SERPINI1: variants seen among roughly 807,000 people sequenced by gnomAD.
SERPINI1 encodes the protein neuroserpin.
Under a neutral mutation model 41.1 loss-of-function variants are expected in SERPINI1, and 19 were observed. The observed-to-expected ratio is 0.46, with a 90% CI of 0.32 to 0.68. SERPINI1 has a LOEUF of 0.68. SERPINI1 is among the 30% of genes least tolerant of loss of function. The probability of loss-of-function intolerance (pLI) is 0.03; values close to 1 mark genes in which losing one functional copy is unlikely to be tolerated. For synonymous variants in SERPINI1, 138 were observed against 156.6 expected, an observed-to-expected ratio of 0.88 and a Z score of 0.89; for missense variants, 460 against 479.2, an observed-to-expected ratio of 0.96 and a Z score of 0.37.
chr3:167,775,937 C>T lies in SERPINI1; in HGVS notation c.-18-13174C>T, dbSNP rs577443476. 7.9e-5 allele frequency among the ~76,000 whole-genome samples: 12 copies of T among 152,046 alleles called. No individual in the cohort carries two copies. The South Asian group carries it at 1.0e-3, about 13-fold the overall frequency. On this transcript the variant is annotated intron_variant, in intron 1 of 8. Transcript: ENST00000446050. ...TTTCTCCACTGCACTCCAGCCTGGGCGACAGAGTGAGACCCCGTCCCAAAA... is the reference window on the plus strand; with the variant it reads ...TTTCTCCACTGCACTCCAGCCTGGGTGACAGAGTGAGACCCCGTCCCAAAA...
chr3:167,757,508 T>TCACACA (rs10663160), intron 1 of SERPINI1, among the ~76,000 whole-genome samples: 194 of 151,214 alleles, frequency 1.3e-3, no homozygotes, highest in African/African-American at 4.4e-3. Flanking sequence ...TCTCTCTCTC[T>TCACACA]CTCACACACA....
At position 167,792,694 on chromosome 3, in the gene SERPINI1, C is replaced by T. The variant is rs1443427135; in HGVS notation, c.586C>T (p.Pro196Ser). 6.2e-7 allele frequency: 1 copy of T among 1,613,688 alleles called. No individual in the cohort carries two copies. The highest frequency in any genetic ancestry group is 1.7e-5 in the Admixed American group (1 of 59,928). ...GGGGAACTGGAAGTCGCAGTTTAGG[C>T]CTGAAAATACTAGAACCTTTTCTTT... ...FKGNWKSQFR[P>S]ENTRTFSFTK... The change falls in exon 4 of 9, where the codon CCT becomes TCT. Residue 196 changes from proline to serine, a missense_variant. Coordinates refer to ENST00000446050, the MANE Select transcript of SERPINI1 (RefSeq NM_001122752.2).
chr3:167,797,233 T>C (rs929316722), intron 5 of SERPINI1, among the ~76,000 whole-genome samples: 15 of 152,138 alleles, frequency 9.9e-5, no homozygotes, highest in African/African-American at 3.6e-4. Flanking sequence ...TTCTTATAGA[T>C]TCTGGATATT....
chr3:167,759,972 T>G (rs1325613349), intron 1 of SERPINI1, among the ~76,000 whole-genome samples: 3 of 152,212 alleles, frequency 2.0e-5, no homozygotes, highest in Non-Finnish European at 4.4e-5. Flanking sequence ...CATATATGTA[T>G]GTACGTATGT....
chr3:167,739,881 C>A (rs770810351), intron 1 of SERPINI1, among the ~76,000 whole-genome samples: 1 of 152,196 alleles, frequency 6.6e-6, no homozygotes, highest in South Asian at 2.1e-4. Flanking sequence ...AAGACCTATA[C>A]AATTCTAGTT....
chr3:167,763,890 A>T (rs1487537585), intron 1 of SERPINI1, among the ~76,000 whole-genome samples: 2 of 152,170 alleles, frequency 1.3e-5, no homozygotes, highest in Non-Finnish European at 2.9e-5. Flanking sequence ...AAAACACTTT[A>T]AAGTCATGTC....
At chr3:167,788,988 A>C (rs2108556053) in intron 1 of SERPINI1, 123 bp from the exon 2 acceptor site, 1 of 875,874 alleles carries the variant, frequency 1.1e-6, no homozygotes, top group Non-Finnish European at 1.8e-6. Flanking sequence ...AGAACTTAGC[A>C]GTGTTATTTG....
intron 1 of SERPINI1, among the ~76,000 whole-genome samples, chr3:167,771,092 C>A (rs11920206): frequency 0.13 from 19,519 of 152,112 alleles, 1,525 homozygotes; most frequent in African/African-American, 0.21. Context: ...AATAATATAA[C>A]CTCTGTAGAG....
chr3:167,796,292 T>C (rs1727708735), intron 5 of SERPINI1, among the ~76,000 whole-genome samples: 1 of 151,826 alleles, frequency 6.6e-6, no homozygotes, highest in Admixed American at 6.6e-5. Context: ...ATATAGCATG[T>C]CATGTTATAT....
rs370273720 is a variant in SERPINI1 at position 167,816,562 on chromosome 3, G to C, written c.980-6424G>C. The stretch of plus-strand genomic sequence containing the variant: ...CAGGAAACTCCCTCTACTAGGGTTA[G>C]CTCATTCTTTAGACCCTGCTATATG... On this transcript the variant is annotated intron_variant, in intron 6 of 8. Transcript: ENST00000446050. Among the ~76,000 whole-genome samples the C allele has an allele frequency of 4.6e-5, 7 of 152,276 alleles. 1 individual carries two copies. The highest frequency in any genetic ancestry group is 2.6e-4 in the Admixed American group (4 of 15,298).
chr3:167,755,794 A>ATT (rs34182780), intron 1 of SERPINI1, among the ~76,000 whole-genome samples: 8,713 of 119,116 alleles, frequency 0.073, 532 homozygotes, highest in African/African-American at 0.14. Context: ...GGTGTTGCTG[A>ATT]TTTTTTTTTT....
chr3:167,762,974 A>G (rs1285843026), intron 1 of SERPINI1, among the ~76,000 whole-genome samples: 4 of 152,162 alleles, frequency 2.6e-5, no homozygotes, highest in Admixed American at 2.6e-4. Flanking sequence ...CTTTGGAGCC[A>G]GACCTGATTG....
intron 5 of SERPINI1, among the ~76,000 whole-genome samples, chr3:167,797,784 A>G (rs1390498971): frequency 6.6e-6 from 1 of 151,870 alleles, no homozygotes; most frequent in African/African-American, 2.4e-5. Flanking sequence ...TACTAAATAT[A>G]TAAACAATGT....
chr3:167,807,390 A>G lies in SERPINI1; in HGVS notation c.979+49A>G, dbSNP rs763690398. The G allele has an allele frequency of 5.9e-6, 7 of 1,180,892 alleles. 1 individual carries two copies. The highest frequency in any genetic ancestry group is 3.4e-5 in the Admixed American group (2 of 58,238). 73.2% of individuals were successfully genotyped at this position (1,180,892 alleles called of 1,614,324 possible). A position where few individuals can be genotyped will look rare whatever the true frequency, so the allele number is the denominator to read the frequency against. ...AAAAATGTTATTCCATAAGAGCTTTATTAAATGATGATATTAAATCCTCTA... is the reference window on the plus strand; with the variant it reads ...AAAAATGTTATTCCATAAGAGCTTTGTTAAATGATGATATTAAATCCTCTA... On this transcript the variant is annotated intron_variant, in intron 6 of 8. Transcript: ENST00000446050.
At chr3:167,747,952 T>G (rs1413593182) in intron 1 of SERPINI1, among the ~76,000 whole-genome samples, 2 of 151,016 alleles carry the variant, frequency 1.3e-5, no homozygotes, top group Non-Finnish European at 1.5e-5. Flanking sequence ...TTTTTTAATT[T>G]CAAAATGAAG....
chr3:167,797,203 T>A (rs1368833160), intron 5 of SERPINI1, among the ~76,000 whole-genome samples: 5 of 152,180 alleles, frequency 3.3e-5, no homozygotes, highest in African/African-American at 4.8e-5. Flanking sequence ...TTTAATGTGA[T>A]TGTTTACTCC....
intron 1 of SERPINI1, among the ~76,000 whole-genome samples, chr3:167,774,430 C>T (rs1012913439): frequency 7.2e-5 from 11 of 152,124 alleles, no homozygotes; most frequent in Admixed American, 6.5e-4. Context: ...GTAGCTACTG[C>T]AGCAAAGTGA....
At chr3:167,770,693 C>CT (rs1262073634) in intron 1 of SERPINI1, among the ~76,000 whole-genome samples, 2 of 152,074 alleles carry the variant, frequency 1.3e-5, no homozygotes, top group Non-Finnish European at 2.9e-5. Flanking sequence ...TTATTCTAGT[C>CT]TTTTTCCACA....
intron 1 of SERPINI1, among the ~76,000 whole-genome samples, chr3:167,769,278 C>A (rs1344372203): frequency 1.3e-5 from 2 of 152,162 alleles, no homozygotes; most frequent in Non-Finnish European, 2.9e-5. Flanking sequence ...AGGCATGAGC[C>A]ACCATGCCTG....
Sources: gnomAD v4.1 joint callset for allele counts (sites outside exome capture counted in the v4.1 genomes callset) on GRCh38, gnomAD v4.1.1 for gene constraint, MANE v1.5 for transcripts, NCBI Gene and HGNC (gene_info 2026-07-23, HGNC 2026-07-21) for gene names.